Variants in PLAC1 observed in about 807,000 individuals in gnomAD.
The protein encoded by PLAC1 is placenta-specific protein 1.
For synonymous variants in PLAC1, 68 were observed against 62.1 expected (o/e 1.09, Z -0.44); for missense variants, 136 against 163.2 (o/e 0.83, Z 0.91).
chrX:134,574,441 T>C (rs1439868109), intron 2 of PLAC1, among the ~76,000 whole-genome samples: 1 of 112,138 alleles, frequency 8.9e-6, no homozygotes, highest in Non-Finnish European at 1.9e-5. Flanking sequence ...GTCTACCAGT[T>C]GAAGGCCTGG....
intron 2 of PLAC1, among the ~76,000 whole-genome samples, chrX:134,574,504 C>T (rs1181901632): frequency 9.0e-6 from 1 of 111,657 alleles, no homozygotes. Context: ...TCCTAACAAG[C>T]GTCCTGGCCT....
intron 2 of PLAC1, 54 bp downstream of exon 2, chrX:134,601,997 A>G (rs918027602): frequency 8.9e-6 from 1 of 112,431 alleles, no homozygotes; most frequent in Non-Finnish European, 1.9e-5. Context: ...CCCTTTAGAA[A>G]GTTAACCTGT....
chrX:134,638,449 T>C (rs1473769488), intron 1 of PLAC1, among the ~76,000 whole-genome samples: 2 of 112,746 alleles, frequency 1.8e-5, no homozygotes, highest in African/African-American at 6.4e-5. Flanking sequence ...AGTTCCATGA[T>C]GCAAGTATTC....
intron 2 of PLAC1, among the ~76,000 whole-genome samples, chrX:134,709,541 G>A (rs183016254): frequency 2.3e-3 from 255 of 111,369 alleles, no homozygotes; most frequent in African/African-American, 7.9e-3. Context: ...CAGGAGAATC[G>A]CTTGAACCCG....
intron 1 of PLAC1, among the ~76,000 whole-genome samples, chrX:134,604,936 G>A (rs893752375): frequency 2.7e-5 from 3 of 111,719 alleles, no homozygotes; most frequent in Non-Finnish European, 5.6e-5. Context: ...TCCAGTTCTA[G>A]AATCTTCTTG....
chrX:134,649,038 G>A (rs749504043), intron 1 of PLAC1, among the ~76,000 whole-genome samples: 7 of 111,511 alleles, frequency 6.3e-5, no homozygotes, highest in Non-Finnish European at 1.3e-4. Flanking sequence ...GGAGGCCAAG[G>A]TAGGTGGATC....
intron 2 of PLAC1, among the ~76,000 whole-genome samples, chrX:134,589,569 A>G (rs2078024225): frequency 9.1e-6 from 1 of 109,705 alleles, no homozygotes; most frequent in Non-Finnish European, 1.9e-5. Context: ...TTTACTAAAA[A>G]TACAAAAATT....
intron 2 of PLAC1, among the ~76,000 whole-genome samples, chrX:134,684,226 C>T (rs1264790260): frequency 9.0e-6 from 1 of 110,545 alleles, no homozygotes; most frequent in Non-Finnish European, 1.9e-5. Flanking sequence ...CCATATAACC[C>T]TCAATAGAAA....
intron 1 of PLAC1, chrX:134,607,390 T>G (rs113709155): frequency 0.012 from 1,588 of 128,531 alleles, 31 homozygotes; most frequent in African/African-American, 0.048. Flanking sequence ...AAACACAAGG[T>G]TAAGATTCTT....
At chrX:134,696,172 C>G (rs1296312952) in intron 2 of PLAC1, among the ~76,000 whole-genome samples, 1 of 111,723 alleles carries the variant, frequency 9.0e-6, no homozygotes, top group Non-Finnish European at 1.9e-5. Flanking sequence ...TTTCCTGGAG[C>G]CTGCACTTTC....
At chrX:134,616,130 C>T (rs903744617) in intron 1 of PLAC1, among the ~76,000 whole-genome samples, 1 of 110,548 alleles carries the variant, frequency 9.0e-6, no homozygotes, top group Non-Finnish European at 1.9e-5. Flanking sequence ...CAGGCATGCA[C>T]CACCATGCCC....
At chrX:134,728,342 G>A (rs924251891) in intron 2 of PLAC1, among the ~76,000 whole-genome samples, 2 of 112,026 alleles carry the variant, frequency 1.8e-5, no homozygotes, top group African/African-American at 3.2e-5. Flanking sequence ...TAGATACATC[G>A]TAATCAAACT....
chrX:134,699,214 G>A (rs1418823144), intron 2 of PLAC1, among the ~76,000 whole-genome samples: 1 of 111,634 alleles, frequency 9.0e-6, no homozygotes, highest in Non-Finnish European at 1.9e-5. Flanking sequence ...ATTAAGAGGT[G>A]TGGCCTTTAG....
At chrX:134,689,856 TG>T (rs2078530515) in intron 2 of PLAC1, among the ~76,000 whole-genome samples, 1 of 112,769 alleles carries the variant, frequency 8.9e-6, no homozygotes, top group Non-Finnish European at 1.9e-5. Context: ...CATTTTATTG[TG>T]GTAAAATATA....
At chrX:134,578,520 T>TC (rs1354107971) in intron 2 of PLAC1, among the ~76,000 whole-genome samples, 92 of 89,839 alleles carry the variant, frequency 1.0e-3, no homozygotes, top group Non-Finnish European at 1.6e-3. Context: ...TCTTTCTTTT[T>TC]TTTTTTTTTT....
chrX:134,705,744 T>C (rs1240589872), intron 2 of PLAC1, among the ~76,000 whole-genome samples: 3 of 111,802 alleles, frequency 2.7e-5, no homozygotes, highest in African/African-American at 9.7e-5. Context: ...ACATAGTATA[T>C]ATACACACAC....
chrX:134,626,189 T>G (rs1328387073), intron 1 of PLAC1, among the ~76,000 whole-genome samples: 2 of 112,068 alleles, frequency 1.8e-5, no homozygotes, highest in Non-Finnish European at 3.8e-5. Context: ...CAGGCCACCA[T>G]GGCGACACCA....
At chrX:134,727,664 G>A (rs141697924) in intron 2 of PLAC1, among the ~76,000 whole-genome samples, 2,769 of 111,965 alleles carry the variant, frequency 0.025, 101 homozygotes, top group African/African-American at 0.086. Context: ...AACAACAAAC[G>A]CTCAGGAGGA....
intron 2 of PLAC1, among the ~76,000 whole-genome samples, chrX:134,709,550 C>G (rs1047498260): frequency 9.0e-6 from 1 of 111,007 alleles, no homozygotes; most frequent in Non-Finnish European, 1.9e-5. Flanking sequence ...CGCTTGAACC[C>G]GGGATCGCGC....
Sources: allele counts gnomAD v4.1 joint callset (sites outside exome capture counted in the v4.1 genomes callset), GRCh38; gene constraint gnomAD v4.1.1; transcripts MANE v1.5; gene names NCBI Gene and HGNC (gene_info 2026-07-23, HGNC 2026-07-21).